Variants in UNC5C observed in about 807,000 individuals in gnomAD.
The protein encoded by UNC5C is netrin receptor UNC5C.
Under a neutral mutation model 99.8 loss-of-function variants are expected in UNC5C, and 47 were observed. The observed-to-expected ratio is 0.47, with a 90% confidence interval of 0.37 to 0.60. The LOEUF (loss-of-function observed/expected upper bound fraction) is 0.60. Among genes scored for constraint, UNC5C ranks in the 20% least tolerant of loss-of-function variants. The pLI is 0.00. For synonymous variants in UNC5C, 487 were observed against 452.2 expected (o/e 1.08, Z -0.98); for missense variants, 1,062 against 1,165.9 (o/e 0.91, Z 1.30).
At chr4:95,195,667 T>C (rs1333901089) in intron 12 of UNC5C, among the ~76,000 whole-genome samples, 1 of 152,146 alleles carries the variant, frequency 6.6e-6, no homozygotes, top group African/African-American at 2.4e-5. Context: ...ACCTTCTCCC[T>C]GTAACAAGCC....
At chr4:95,306,696 T>A (rs1159198155) in intron 2 of UNC5C, among the ~76,000 whole-genome samples, 1 of 152,218 alleles carries the variant, frequency 6.6e-6, no homozygotes, top group Non-Finnish European at 1.5e-5. Context: ...CATGGCTTTA[T>A]CTTTCTTATG....
intron 1 of UNC5C, among the ~76,000 whole-genome samples, chr4:95,360,691 G>T (rs1744362513): frequency 6.6e-6 from 1 of 152,150 alleles, no homozygotes; most frequent in African/African-American, 2.4e-5. Context: ...AGAGTGATTT[G>T]TGGAAAGATG....
intron 1 of UNC5C, among the ~76,000 whole-genome samples, chr4:95,388,946 T>G (rs1560815139): frequency 6.6e-6 from 1 of 152,164 alleles, no homozygotes; most frequent in East Asian, 1.9e-4. Flanking sequence ...TAAAAGTGTT[T>G]CCTAGAGTCT....
intron 1 of UNC5C, among the ~76,000 whole-genome samples, chr4:95,484,139 T>C (rs1721258980): frequency 6.6e-6 from 1 of 151,806 alleles, no homozygotes; most frequent in Non-Finnish European, 1.5e-5. Context: ...GAAGGGCTTC[T>C]CTATTAAGCA....
chr4:95,214,827 G>A (rs1738193186), intron 10 of UNC5C, among the ~76,000 whole-genome samples: 1 of 152,194 alleles, frequency 6.6e-6, no homozygotes, highest in Non-Finnish European at 1.5e-5. Flanking sequence ...AAGAGATCTT[G>A]GAGTTTGCTG....
In UNC5C at chr4:95,301,498, C is replaced by G. The variant is rs1288581924; in HGVS notation, c.490+108G>C. On this transcript the variant is annotated intron_variant, in intron 3 of 15. Transcript: ENST00000453304. ...GCGTGAGTCACCGCGCCTGGCCTTTCCAGGATTTTTGACCAGTTTTCTTTG... is the reference window on the plus strand; with the variant it reads ...GCGTGAGTCACCGCGCCTGGCCTTTGCAGGATTTTTGACCAGTTTTCTTTG... The G allele has an allele frequency of 2.5e-5, 38 of 1,515,536 alleles. No homozygotes were observed. The Middle Eastern group carries it at 5.6e-4, about 22-fold the overall frequency. The allele number at this position is 1,515,536 out of a possible 1,614,324, so 93.9% of individuals were successfully genotyped here. A position where few individuals can be genotyped will look rare whatever the true frequency, so the allele number is the denominator to read the frequency against.
chr4:95,494,120 C>T (rs780907944), intron 1 of UNC5C, among the ~76,000 whole-genome samples: 3 of 151,454 alleles, frequency 2.0e-5, no homozygotes, highest in Non-Finnish European at 4.4e-5. Context: ...AAAGAAAAAT[C>T]ATTCAAATGA....
rs1747815413 is a variant in UNC5C at position 95,467,372 on chromosome 4, GGA to G, written c.124+81360_124+81361del. ...ATGCAATCAGTGTGTGTGTGCAGAG[GGA>G]GAGAGAGAAACATATAAAGATCAAC... On this transcript the variant is annotated intron_variant, in intron 1 of 15. Transcript: ENST00000453304. Among the ~76,000 whole-genome samples the G allele has an allele frequency of 2.6e-5, 4 of 152,212 alleles. No homozygotes were observed. The South Asian group carries it at 8.3e-4, about 32-fold the overall frequency.
chr4:95,358,592 C>A (rs1485450440), intron 1 of UNC5C, among the ~76,000 whole-genome samples: 1 of 152,176 alleles, frequency 6.6e-6, no homozygotes, highest in Non-Finnish European at 1.5e-5. Flanking sequence ...GGCTACACTT[C>A]CTTCTCCACG....
At chr4:95,517,814 TA>T (rs1469782890) in intron 1 of UNC5C, among the ~76,000 whole-genome samples, 1 of 152,220 alleles carries the variant, frequency 6.6e-6, no homozygotes, top group Non-Finnish European at 1.5e-5. Context: ...CTCTGCATTT[TA>T]GCACTGTTTC....
chr4:95,524,680 G>A lies in UNC5C; in HGVS notation c.124+24054C>T, dbSNP rs556809167. Among the ~76,000 whole-genome samples the A allele has an allele frequency of 5.9e-5, 9 of 152,238 alleles. No individual in the cohort carries two copies. In the South Asian group the frequency reaches 1.7e-3, roughly 28 times the overall value. Reference sequence around the variant, plus strand: ...TACTACATTCAGCCCACTTACTCACGTAACCTCATTGGTCCCAGTAGGCAC... The same window carrying A: ...TACTACATTCAGCCCACTTACTCACATAACCTCATTGGTCCCAGTAGGCAC... On this transcript the variant is annotated intron_variant, in intron 1 of 15. Transcript: ENST00000453304.
At chr4:95,534,108 A>G in intron 1 of UNC5C, among the ~76,000 whole-genome samples, 1 of 152,316 alleles carries the variant, frequency 6.6e-6, no homozygotes, top group East Asian at 1.9e-4. Flanking sequence ...ACAGCACTTG[A>G]GGAAGTTGGG....
chr4:95,400,399 T>TTC (rs1240168105), intron 1 of UNC5C, among the ~76,000 whole-genome samples: 22 of 138,618 alleles, frequency 1.6e-4, no homozygotes, highest in Non-Finnish European at 3.1e-4. Context: ...TTTTTTTTTT[T>TTC]TTTTTTTTTT....
intron 1 of UNC5C, among the ~76,000 whole-genome samples, chr4:95,414,315 G>A (rs1198580549): frequency 1.3e-5 from 2 of 151,918 alleles, no homozygotes; most frequent in Non-Finnish European, 2.9e-5. Context: ...AAGAAATTAA[G>A]CAAGGGTCCA....
At chr4:95,288,780 T>A (rs1333982465) in intron 3 of UNC5C, among the ~76,000 whole-genome samples, 1 of 152,210 alleles carries the variant, frequency 6.6e-6, no homozygotes, top group Non-Finnish European at 1.5e-5. Flanking sequence ...TCAATCTGTG[T>A]CAATCTCCCT....
intron 1 of UNC5C, among the ~76,000 whole-genome samples, chr4:95,489,697 C>A (rs1317882780): frequency 1.3e-5 from 2 of 151,698 alleles, no homozygotes; most frequent in South Asian, 2.1e-4. Flanking sequence ...GCCGTGAAAT[C>A]AGTCTCAGGA....
At chr4:95,479,478 G>A (rs1721067003) in intron 1 of UNC5C, among the ~76,000 whole-genome samples, 1 of 151,798 alleles carries the variant, frequency 6.6e-6, no homozygotes, top group African/African-American at 2.4e-5. Context: ...CACAACAGTG[G>A]GTAGAAATTG....
intron 2 of UNC5C, among the ~76,000 whole-genome samples, chr4:95,311,596 T>C (rs534209063): frequency 2.0e-4 from 30 of 152,306 alleles, no homozygotes; most frequent in Admixed American, 1.4e-3. Flanking sequence ...TGGGGCATAG[T>C]AATGTGTTCG....
intron 1 of UNC5C, among the ~76,000 whole-genome samples, chr4:95,512,067 A>C (rs1722090565): frequency 6.6e-6 from 1 of 152,054 alleles, no homozygotes; most frequent in Admixed American, 6.6e-5. Context: ...TATGGAAATG[A>C]AAATGGGTCT....
Sources: gnomAD v4.1 joint callset for allele counts (sites outside exome capture counted in the v4.1 genomes callset) on GRCh38, gnomAD v4.1.1 for gene constraint, MANE v1.5 for transcripts, NCBI Gene and HGNC (gene_info 2026-07-23, HGNC 2026-07-21) for gene names.